ADGRL3: variants seen among roughly 807,000 people sequenced by gnomAD.
ADGRL3 encodes calcium-independent alpha-latrotoxin receptor 3.
In ADGRL3, 62 loss-of-function variants were observed where a neutral mutation model predicts 153.5. The observed-to-expected ratio is 0.40, with a 90% CI of 0.33 to 0.50. ADGRL3 has a LOEUF of 0.50. ADGRL3 is among the 20% of genes least tolerant of loss of function. The pLI is 0.47. For missense variants in ADGRL3, 1,641 were observed against 1,859.4 expected, an observed-to-expected ratio of 0.88 and a Z score of 2.16; for synonymous variants, 710 against 672.5, an observed-to-expected ratio of 1.06 and a Z score of -0.86.
rs570394167 is a variant in ADGRL3 at position 61,892,749 on chromosome 4, C to T, written c.1574C>T (p.Pro525Leu). ...TTGAGCCCAGGAAGGAGTACCACCC[C>T]GTCAGTGTCAGGAAGAAGAAACCGG... ...TTLSPGRSTTPSVSGRRNRST... is the reference protein window; with the variant it reads ...TTLSPGRSTTLSVSGRRNRST... Residue 525 changes from proline to leucine, a missense_variant, in exon 10 of 27, where the codon CCG becomes CTG. Around this residue, in one of 5 missense-constraint regions of ADGRL3, gnomAD observed 734 missense variants for 797.0 expected, o/e 0.92. Coordinates refer to ENST00000683033, the MANE Select transcript of ADGRL3 (RefSeq NM_001387552.1). 6.2e-6 allele frequency: 10 copies of T among 1,613,854 alleles called. No individual in the cohort carries two copies. In the Admixed American group the frequency reaches 6.7e-5, roughly 11 times the overall value.
chr4:62,055,826 A>C (rs1736716557), intron 25 of ADGRL3, among the ~76,000 whole-genome samples: 1 of 151,798 alleles, frequency 6.6e-6, no homozygotes, highest in South Asian at 2.1e-4. Flanking sequence ...AAAATAGGAA[A>C]CAAAATACTT....
intron 2 of ADGRL3, among the ~76,000 whole-genome samples, chr4:61,400,994 T>C (rs2096923893): frequency 6.6e-6 from 1 of 151,782 alleles, no homozygotes. Flanking sequence ...GAATTTATCT[T>C]TTCTCATTTT....
chr4:61,390,569 A>T (rs969603182), intron 2 of ADGRL3, among the ~76,000 whole-genome samples: 1 of 152,300 alleles, frequency 6.6e-6, no homozygotes, highest in South Asian at 2.1e-4. Context: ...ATACATTTAA[A>T]TTTTTTGAGA....
chr4:61,475,883 T>G (rs984170012), intron 2 of ADGRL3, among the ~76,000 whole-genome samples: 5 of 143,330 alleles, frequency 3.5e-5, no homozygotes, highest in African/African-American at 1.3e-4. Context: ...CAAATAAAGA[T>G]AGCCTTTAGT....
intron 1 of ADGRL3, among the ~76,000 whole-genome samples, chr4:61,352,634 C>T (rs369800522): frequency 9.9e-5 from 15 of 152,178 alleles, no homozygotes; most frequent in African/African-American, 3.6e-4. Flanking sequence ...ATCCACCCGC[C>T]TCGGCCTCCC....
intron 3 of ADGRL3, among the ~76,000 whole-genome samples, chr4:61,508,525 C>T (rs2098444455): frequency 6.6e-6 from 1 of 152,030 alleles, no homozygotes; most frequent in Admixed American, 6.5e-5. Flanking sequence ...TTTTTTTAAC[C>T]TACATATCTA....
At chr4:62,017,321 T>A (rs77774339) in intron 21 of ADGRL3, among the ~76,000 whole-genome samples, 16,998 of 147,678 alleles carry the variant, frequency 0.12, 1,165 homozygotes, top group East Asian at 0.3. Context: ...AATTTTTTTT[T>A]AAAAAATGAA....
chr4:61,732,719 ATATT>A (rs762354956), intron 7 of ADGRL3, 31 bp from the exon 8 acceptor site: 4 of 1,170,328 alleles, frequency 3.4e-6, no homozygotes, highest in South Asian at 2.1e-5. Flanking sequence ...TGAAATTAAT[ATATT>A]TATTTATTTT....
intron 4 of ADGRL3, among the ~76,000 whole-genome samples, chr4:61,569,537 A>C (rs1167256272): frequency 6.6e-6 from 1 of 152,158 alleles, no homozygotes; most frequent in Non-Finnish European, 1.5e-5. Flanking sequence ...ATTTGAAAGG[A>C]GCCTGGGCAA....
At chr4:61,291,839 C>G (rs2094229336) in intron 1 of ADGRL3, among the ~76,000 whole-genome samples, 1 of 146,348 alleles carries the variant, frequency 6.8e-6, no homozygotes, top group African/African-American at 2.6e-5. Flanking sequence ...ATTATTATCA[C>G]ATTTTGGGAG....
At position 61,897,115 on chromosome 4, in the gene ADGRL3, G is replaced by C. The variant is rs553752962; in HGVS notation, c.1887+1281G>C. 1.3e-3 allele frequency among the ~76,000 whole-genome samples: 196 copies of C among 152,224 alleles called. 1 individual carries two copies. The highest frequency in any genetic ancestry group is 2.0e-3 in the Non-Finnish European group (136 of 68,006). On this transcript the variant is annotated intron_variant, in intron 11 of 26. Transcript: ENST00000683033. ...CAGCCCAGCTAATCTTAGGACAAAA[G>C]ATAATTCCTTTCAAAGACCAGACAG... is the stretch of plus-strand genomic sequence containing the variant.
intron 3 of ADGRL3, among the ~76,000 whole-genome samples, chr4:61,498,527 G>A (rs2152815225): frequency 6.6e-6 from 1 of 152,078 alleles, no homozygotes; most frequent in African/African-American, 2.4e-5. Context: ...TCCAGCCTGG[G>A]TGACAGAACG....
intron 1 of ADGRL3, among the ~76,000 whole-genome samples, chr4:61,268,640 A>G (rs775676092): frequency 5.9e-5 from 9 of 151,790 alleles, no homozygotes; most frequent in Middle Eastern, 3.4e-3. Context: ...AAAGAGAAAG[A>G]AATGGCATTC....
intron 2 of ADGRL3, among the ~76,000 whole-genome samples, chr4:61,402,391 G>C (rs1284594884): frequency 6.6e-6 from 1 of 152,038 alleles, no homozygotes; most frequent in African/African-American, 2.4e-5. Context: ...TCCCCATTTT[G>C]AAATTATAAT....
chr4:61,214,026 G>A (rs1741435071), intron 1 of ADGRL3, among the ~76,000 whole-genome samples: 1 of 152,130 alleles, frequency 6.6e-6, no homozygotes, highest in Non-Finnish European at 1.5e-5. Context: ...TCTCAGTTGT[G>A]TATTGTTCAT....
At chr4:61,824,322 G>A (rs944904263) in intron 9 of ADGRL3, among the ~76,000 whole-genome samples, 4 of 151,966 alleles carry the variant, frequency 2.6e-5, no homozygotes, top group African/African-American at 4.8e-5. Context: ...AAACATGTAC[G>A]CTTCTCTCAG....
chr4:61,227,768 G>A (rs1748649080), intron 1 of ADGRL3, among the ~76,000 whole-genome samples: 1 of 152,082 alleles, frequency 6.6e-6, no homozygotes, highest in African/African-American at 2.4e-5. Context: ...AAACACAGTC[G>A]ACATATGCTG....
intron 8 of ADGRL3, among the ~76,000 whole-genome samples, chr4:61,811,046 T>C (rs1580942156): frequency 6.6e-6 from 1 of 152,154 alleles, no homozygotes; most frequent in African/African-American, 2.4e-5. Flanking sequence ...TATCGAAAAG[T>C]AAGATAGTAC....
intron 4 of ADGRL3, among the ~76,000 whole-genome samples, chr4:61,576,568 GT>G (rs1560870395): frequency 6.8e-6 from 1 of 147,632 alleles, no homozygotes; most frequent in Non-Finnish European, 1.5e-5. Context: ...TGTCTTTAGA[GT>G]GGGAATTTAC....
Sources: allele counts gnomAD v4.1 joint callset (sites outside exome capture counted in the v4.1 genomes callset), GRCh38; gene constraint gnomAD v4.1.1; regional missense constraint gnomAD v4.1.1; transcripts MANE v1.5; gene names NCBI Gene and HGNC (gene_info 2026-07-23, HGNC 2026-07-21).